CORO2A: variants seen among roughly 807,000 people sequenced by gnomAD.
The protein encoded by CORO2A is coronin 2A.
A neutral mutation model predicts 62.4 loss-of-function variants in CORO2A; 47 were observed. The ratio of observed to expected loss-of-function variants is 0.75; its 90% CI spans 0.60 to 0.96. The LOEUF (loss-of-function observed/expected upper bound fraction) is 0.96, where lower values mean the gene tolerates loss of function less well. Among genes scored for constraint, CORO2A ranks in the 40% least tolerant of loss-of-function variants. The pLI is 0.00. For missense variants in CORO2A, 610 were observed against 684.1 expected, an observed-to-expected ratio of 0.89 and a Z score of 1.21; for synonymous variants, 273 against 268.9, an observed-to-expected ratio of 1.02 and a Z score of -0.15.
intron 1 of CORO2A, among the ~76,000 whole-genome samples, chr9:98,171,245 G>A (rs1428482444): frequency 5.9e-5 from 9 of 152,158 alleles, no homozygotes; most frequent in Admixed American, 3.3e-4. Context: ...CTTGCTTAGC[G>A]TCCCACAGTC....
chr9:98,130,835 A>T (rs1827393641), intron 7 of CORO2A, 120 bp downstream of exon 7: 2 of 765,170 alleles, frequency 2.6e-6, no homozygotes, highest in Non-Finnish European at 4.3e-6. Flanking sequence ...TCCTTCTCAC[A>T]GGGAAAGAGT....
intron 7 of CORO2A, 101 bp from the exon 8 acceptor site, chr9:98,129,991 G>A: frequency 1.2e-6 from 1 of 830,970 alleles, no homozygotes; most frequent in Non-Finnish European, 2.0e-6. Flanking sequence ...TTTTTTTGAT[G>A]ATCGGCAAAC....
At chr9:98,132,048 T>C in intron 6 of CORO2A, 137 bp downstream of exon 6, 1 of 734,616 alleles carries the variant, frequency 1.4e-6, no homozygotes, top group Non-Finnish European at 2.3e-6. Flanking sequence ...CTGCTATTCA[T>C]CCCCGGATCC....
chr9:98,129,605 C>T (rs980816235), intron 8 of CORO2A, among the ~76,000 whole-genome samples, 189 bp downstream of exon 8: 4 of 152,228 alleles, frequency 2.6e-5, no homozygotes, highest in African/African-American at 7.2e-5. Context: ...CCCTGACTTC[C>T]TCCTTTGTGC....
At chr9:98,173,198 C>T (rs1309197440) in intron 1 of CORO2A, among the ~76,000 whole-genome samples, 1 of 152,150 alleles carries the variant, frequency 6.6e-6, no homozygotes, top group South Asian at 2.1e-4. Context: ...GTTTCTGATT[C>T]GGCAGCGTGG....
intron 1 of CORO2A, among the ~76,000 whole-genome samples, chr9:98,174,554 T>C (rs1452008378): frequency 6.6e-6 from 1 of 152,208 alleles, no homozygotes; most frequent in Non-Finnish European, 1.5e-5. Flanking sequence ...TCATCTTGAA[T>C]TGTAATCCCC....
chr9:98,168,026 C>G (rs899590981), intron 1 of CORO2A, among the ~76,000 whole-genome samples: 1 of 152,204 alleles, frequency 6.6e-6, no homozygotes, highest in Non-Finnish European at 1.5e-5. Context: ...GCCCAGGCCC[C>G]GGAGCTTGAC....
chr9:98,127,510 G>A (rs1375467953), intron 10 of CORO2A, among the ~76,000 whole-genome samples: 1 of 152,072 alleles, frequency 6.6e-6, no homozygotes, highest in East Asian at 1.9e-4. Context: ...GGGCTTCTTG[G>A]GTCAAGAAGA....
intron 1 of CORO2A, among the ~76,000 whole-genome samples, chr9:98,170,891 C>T (rs1285142996): frequency 6.6e-6 from 1 of 152,316 alleles, no homozygotes; most frequent in South Asian, 2.1e-4. Flanking sequence ...GCAGCTTGCA[C>T]ACACCAGACA....
intron 11 of CORO2A, among the ~76,000 whole-genome samples, chr9:98,125,217 G>A (rs1289127339): frequency 6.6e-6 from 1 of 152,138 alleles, no homozygotes; most frequent in East Asian, 1.9e-4. Context: ...TGTGACCTTG[G>A]GCAAGTTACT....
At chr9:98,137,447 C>CA (rs1234002412) in intron 3 of CORO2A, 125 bp downstream of exon 3, 9 of 780,016 alleles carry the variant, frequency 1.2e-5, no homozygotes, top group Non-Finnish European at 1.6e-5. Flanking sequence ...AACACCTCCC[C>CA]ACACAGTGAC....
rs1413500343 is a variant in CORO2A, at chr9:98,123,206, C to G, written c.*1568G>C. On this transcript the variant is annotated 3_prime_UTR_variant, in exon 12 of 12. Coordinates refer to ENST00000375077, the MANE Select transcript of CORO2A (RefSeq NM_052820.4). The stretch of plus-strand genomic sequence containing the variant: ...CTACTCTTTGGGCTGAGAACTGCAT[C>G]AGACCCAAAAGAGCAAAAAGACAGA... 6.6e-6 allele frequency: 1 copy of G among 152,198 alleles called. No homozygotes were observed. Among genetic ancestry groups the G allele is most frequent in the African/African-American group, 2.4e-5 (1 of 41,444 alleles). The allele number at this position is 152,198 out of a possible 1,614,324, so 9.4% of individuals were successfully genotyped here. A position where few individuals can be genotyped will look rare whatever the true frequency, so the allele number is the denominator to read the frequency against.
chr9:98,176,464 G>A (rs1466923250), intron 1 of CORO2A, among the ~76,000 whole-genome samples: 1 of 152,124 alleles, frequency 6.6e-6, no homozygotes, highest in African/African-American at 2.4e-5. Context: ...CGCATCTACT[G>A]AACAGAAATC....
At chr9:98,157,843 A>T (rs542684041) in intron 1 of CORO2A, among the ~76,000 whole-genome samples, 183 bp from the exon 2 acceptor site, 2 of 152,288 alleles carry the variant, frequency 1.3e-5, no homozygotes, top group South Asian at 4.1e-4. Flanking sequence ...ACTTCTGTAG[A>T]CCTGGTAAGA....
At chr9:98,145,164 C>T (rs1827625629) in intron 2 of CORO2A, among the ~76,000 whole-genome samples, 1 of 152,138 alleles carries the variant, frequency 6.6e-6, no homozygotes, top group South Asian at 2.1e-4. Flanking sequence ...AGCGGTGAAC[C>T]ACAGCTGGTG....
chr9:98,137,657 A>G lies in CORO2A; in HGVS notation c.233T>C (p.Val78Ala), dbSNP rs1236183448. The stretch of plus-strand genomic sequence containing the variant: ...CAAAACGTTGCCTCTGTGCCCGCAG[A>G]CTTTTGGGTAGTGGGGGTCCAACTT... Reference protein sequence around the residue: ...TGKLDPHYPKVCGHRGNVLDV... With the variant: ...TGKLDPHYPKACGHRGNVLDV... The change falls in exon 3 of 12, where the codon GTC (valine) becomes GCC (alanine). Residue 78 changes from valine (V) to alanine (A), a missense_variant. Val to Ala is a moderately conservative substitution (Grantham distance 64). Coordinates refer to ENST00000375077, the MANE Select transcript of CORO2A (RefSeq NM_052820.4). 1 of 1,614,228 alleles carries G rather than the reference A, an allele frequency of 6.2e-7. No individual in the cohort carries two copies. The highest frequency in any genetic ancestry group is 1.1e-5 in the South Asian group (1 of 91,088).
At position 98,124,694 on chromosome 9, in the gene CORO2A, A is replaced by AG; in HGVS notation, c.*79dup. 7.5e-7 allele frequency: 1 copy of AG among 1,335,098 alleles called. No homozygotes were observed. The highest frequency in any genetic ancestry group is 9.9e-7 in the Non-Finnish European group (1 of 1,008,028). The allele number at this position is 1,335,098 out of a possible 1,614,324, so 82.7% of individuals were successfully genotyped here. ...AATATAGAAATAGTGGTTGTCCTTG[A>AG]GGGGACTTGTGGTTTGGTTCTAAAC... On this transcript the variant is annotated 3_prime_UTR_variant, in exon 12 of 12. Coordinates refer to ENST00000375077, the MANE Select transcript of CORO2A (RefSeq NM_052820.4).
intron 1 of CORO2A, among the ~76,000 whole-genome samples, chr9:98,173,346 C>G (rs1268910612): frequency 1.3e-5 from 2 of 152,202 alleles, no homozygotes; most frequent in Admixed American, 1.3e-4. Flanking sequence ...CCCCTCACAA[C>G]CATCTGGGGG....
intron 5 of CORO2A, among the ~76,000 whole-genome samples, chr9:98,132,624 C>T (rs1315594844): frequency 6.6e-6 from 1 of 152,192 alleles, no homozygotes; most frequent in Non-Finnish European, 1.5e-5. Flanking sequence ...CTTATCTAAT[C>T]CTTGGAGAGG....
Sources: gnomAD v4.1 joint callset for allele counts (sites outside exome capture counted in the v4.1 genomes callset) on GRCh38, gnomAD v4.1.1 for gene constraint, MANE v1.5 for transcripts, NCBI Gene and HGNC (gene_info 2026-07-23, HGNC 2026-07-21) for gene names.